ATP2A3: variants seen among roughly 807,000 people sequenced by gnomAD.
ATP2A3 encodes sarcoplasmic/endoplasmic reticulum calcium ATPase 3.
A neutral mutation model predicts 106.8 loss-of-function variants in ATP2A3; 61 were observed. The observed-to-expected ratio is 0.57, with a 90% confidence interval of 0.46 to 0.71. The LOEUF (loss-of-function observed/expected upper bound fraction) is 0.71. Ranked by LOEUF, ATP2A3 falls within the 30% of genes least tolerant of loss-of-function variation. The pLI is 0.00. For synonymous variants in ATP2A3, 611 were observed against 609.3 expected (o/e 1.00, Z -0.04); for missense variants, 1,201 against 1,423.5 (o/e 0.84, Z 2.52).
rs2144679458 is a variant in ATP2A3, at chr17:3,953,574, G to A, written c.136+119C>T. 4.7e-6 allele frequency: 7 copies of A among 1,498,382 alleles called. No homozygotes were observed. Among genetic ancestry groups the A allele is most frequent in the East Asian group, 4.9e-5 (2 of 40,882 alleles). The allele number at this position is 1,498,382 out of a possible 1,614,324, so 92.8% of individuals were successfully genotyped here. ...CCAGGTCGCTGAGAGGCTCAGGTGGGTGATCCTGGGGAGCTCAGCAAGGCC... is the reference window on the plus strand; with the variant it reads ...CCAGGTCGCTGAGAGGCTCAGGTGGATGATCCTGGGGAGCTCAGCAAGGCC... On this transcript the variant is annotated intron_variant, in intron 2 of 20. Coordinates refer to ENST00000397041, the MANE Select transcript of ATP2A3 (RefSeq NM_005173.4). The surrounding 1 kb of genome is among the most constrained non-coding windows in gnomAD (Gnocchi z 5.1).
In ATP2A3 at chr17:3,930,646, A is replaced by G. The variant is rs1050276321; in HGVS notation, c.2611-212T>C. 4.6e-6 allele frequency: 3 copies of G among 657,950 alleles called. No individual in the cohort carries two copies. Among genetic ancestry groups the G allele is most frequent in the Admixed American group, 2.4e-5 (1 of 42,080 alleles). 40.8% of individuals were successfully genotyped at this position (657,950 alleles called of 1,614,324 possible). On this transcript the variant is annotated intron_variant, in intron 17 of 20. Transcript: ENST00000397041. The surrounding 1 kb of genome is among the most constrained non-coding windows in gnomAD (Gnocchi z 5.4). Reference sequence around the variant, plus strand: ...CCGTGCCAGGGAGAAGCAAGGGCACAGCGTGGGAAAGGCAGACGTTCTGGA... The same window carrying G: ...CCGTGCCAGGGAGAAGCAAGGGCACGGCGTGGGAAAGGCAGACGTTCTGGA...
chr17:3,951,651 G>A lies in ATP2A3; in HGVS notation c.254C>T (p.Thr85Met), dbSNP rs748689348. Reference sequence around the variant, plus strand: ...GACCAGGGGCTCCACGAAGGCGGTCGTGGTCTCCTCGCCCTCCTCGAACCA... The same window carrying A: ...GACCAGGGGCTCCACGAAGGCGGTCATGGTCTCCTCGCCCTCCTCGAACCA... ...LAWFEEGEETTTAFVEPLVIM... is the reference protein window; with the variant it reads ...LAWFEEGEETMTAFVEPLVIM... Residue 85 changes from threonine (T) to methionine (M), a missense_variant, in exon 4 of 21, where the codon ACG becomes ATG. Coordinates refer to ENST00000397041, the MANE Select transcript of ATP2A3 (RefSeq NM_005173.4). 3.7e-6 allele frequency: 6 copies of A among 1,611,338 alleles called. No homozygotes were observed. The highest frequency in any genetic ancestry group is 1.7e-5 in the Admixed American group (1 of 59,786).
chr17:3,926,846 G>C lies in ATP2A3; in HGVS notation c.2981-1405C>G. ...GGCCTCCCAAAGTGCTGGGATGACA[G>C]GTGTGAGCCACTGCACCCGGCCCGT... On this transcript the variant is annotated intron_variant, in intron 20 of 20. Coordinates refer to ENST00000397041, the MANE Select transcript of ATP2A3 (RefSeq NM_005173.4). The surrounding 1 kb of genome is among the most constrained non-coding windows in gnomAD (Gnocchi z 4.6). 1.0e-6 allele frequency: 1 copy of C among 985,228 alleles called. No individual in the cohort carries two copies. 61.0% of individuals were successfully genotyped at this position (985,228 alleles called of 1,614,324 possible).
Position 3,926,317 on chromosome 17 carries a change from G to C in ATP2A3, c.2981-876C>G, listed in dbSNP as rs2052705199. On this transcript the variant is annotated intron_variant, in intron 20 of 20. Transcript: ENST00000397041. This position sits in a 1 kb window ranked among gnomAD's most constrained non-coding sequence, Gnocchi z 4.6. Reference sequence around the variant, plus strand: ...TTAGGAGGCCCCAGGGACTGCAGTAGCGCTGGGCAGGGCTGTCTGGGCTTC... The same window carrying C: ...TTAGGAGGCCCCAGGGACTGCAGTACCGCTGGGCAGGGCTGTCTGGGCTTC... Among the ~76,000 whole-genome samples the C allele has an allele frequency of 6.6e-6, 1 of 152,212 alleles. No homozygotes were observed. The highest frequency in any genetic ancestry group is 2.1e-4 in the South Asian group (1 of 4,830).
At chr17:3,932,278 G>T (rs1259958575) in intron 17 of ATP2A3, among the ~76,000 whole-genome samples, 1 of 151,790 alleles carries the variant, frequency 6.6e-6, no homozygotes, top group Non-Finnish European at 1.5e-5. Context: ...TGAGTAGCTG[G>T]GACTACAGGC....
In ATP2A3 at chr17:3,928,398, G is replaced by T; in HGVS notation, c.2980+265C>A. ...TGCCCTGGCCATGTAGGGGGTGGCAGGTGAAGACAGTGAGGCAGTGTGGCC... is the reference window on the plus strand; with the variant it reads ...TGCCCTGGCCATGTAGGGGGTGGCATGTGAAGACAGTGAGGCAGTGTGGCC... On this transcript the variant is annotated intron_variant, in intron 20 of 20. Transcript: ENST00000397041. This position sits in a 1 kb window ranked among gnomAD's most constrained non-coding sequence, Gnocchi z 6.1. 1 of 1,437,788 alleles carries T rather than the reference G, an allele frequency of 7.0e-7. No homozygotes were observed. Among genetic ancestry groups the T allele is most frequent in the Non-Finnish European group, 9.7e-7 (1 of 1,035,664 alleles). The allele number at this position is 1,437,788 out of a possible 1,614,324, so 89.1% of individuals were successfully genotyped here. A position where few individuals can be genotyped will look rare whatever the true frequency, so the allele number is the denominator to read the frequency against.
Position 3,925,960 on chromosome 17 carries a change from TCATGGTTC to T in ATP2A3, c.2981-527_2981-520del, listed in dbSNP as rs1211244470. ...CGAAATCCAGTCCCAACACCCCATT[TCATGGTTC>T]CTCACTGTCCTCAGAGTAAAGTCTA... On this transcript the variant is annotated intron_variant, in intron 20 of 20. Coordinates refer to ENST00000397041, the MANE Select transcript of ATP2A3 (RefSeq NM_005173.4). This position sits in a 1 kb window ranked among gnomAD's most constrained non-coding sequence, Gnocchi z 4.2. Among the ~76,000 whole-genome samples the T allele has an allele frequency of 1.3e-5, 2 of 151,448 alleles. No homozygotes were observed. The highest frequency in any genetic ancestry group is 2.9e-5 in the Non-Finnish European group (2 of 67,892).
Position 3,955,189 on chromosome 17 carries a change from G to A in ATP2A3, c.119-1479C>T, listed in dbSNP as rs2054702934. On this transcript the variant is annotated intron_variant, in intron 1 of 20. Transcript: ENST00000397041. This position sits in a 1 kb window ranked among gnomAD's most constrained non-coding sequence, Gnocchi z 4.2. ...TGCGGAATCTGAGGCCCCGGCCATG[G>A]CTGGCTCTCTTCCACCTCCTTCTTC... Among the ~76,000 whole-genome samples the A allele has an allele frequency of 6.6e-6, 1 of 152,226 alleles. No homozygotes were observed. The highest frequency in any genetic ancestry group is 2.4e-5 in the African/African-American group (1 of 41,444).
rs1414386996 is a variant in ATP2A3, at chr17:3,928,669, T to G, written c.2974A>C (p.Met992Leu). Residue 992 changes from methionine to leucine, a missense_variant, in exon 20 of 21, where the codon ATG becomes CTG. Met to Leu is a conservative substitution (Grantham distance 15). Around this residue, in one of 2 missense-constraint regions of ATP2A3, gnomAD observed 935 missense variants for 1,176.7 expected, o/e 0.79. Coordinates refer to ENST00000397041, the MANE Select transcript of ATP2A3 (RefSeq NM_005173.4). The surrounding 1 kb of genome is among the most constrained non-coding windows in gnomAD (Gnocchi z 6.1). ...GACGGGGCCTCCCACTCACCGTGCATGTGGTTCCGGGACAGGTACTTGAGG... is the reference window on the plus strand; with the variant it reads ...GACGGGGCCTCCCACTCACCGTGCAGGTGGTTCCGGGACAGGTACTTGAGG... ...EALKYLSRNH[M>L]HEEMSQK 1.3e-6 allele frequency: 2 copies of G among 1,550,486 alleles called. No homozygotes were observed. The highest frequency in any genetic ancestry group is 4.9e-5 in the East Asian group (2 of 40,934).
At position 3,950,538 on chromosome 17, in the gene ATP2A3, G is replaced by A. The variant is rs759841162; in HGVS notation, c.603C>T (p.Asn201=). 6.2e-7 allele frequency: 1 copy of A among 1,614,134 alleles called. No homozygotes were observed. The highest frequency in any genetic ancestry group is 1.1e-5 in the South Asian group (1 of 91,080). The change falls in exon 7 of 21, where the codon AAC becomes AAT. Residue 201 remains asparagine, a synonymous_variant. Transcript: ENST00000397041. ...TEAIPDPRAV[N]QDKKNMLFSG... Reference sequence around the variant, plus strand: ...AAAACAGCATGTTCTTCTTGTCCTGGTTCACAGCTCTGGGGTCTGGGATGG... The same window carrying A: ...AAAACAGCATGTTCTTCTTGTCCTGATTCACAGCTCTGGGGTCTGGGATGG...
chr17:3,958,819 C>CACACACACACATATATAT (rs2054956515), intron 1 of ATP2A3, among the ~76,000 whole-genome samples: 1 of 117,628 alleles, frequency 8.5e-6, no homozygotes, highest in African/African-American at 3.9e-5. Context: ...TATATATATA[C>CACACACACACATATATAT]ACACATATAT....
chr17:3,947,079 T>C lies in ATP2A3; in HGVS notation c.1095+312A>G, dbSNP rs182739052. ...GCCAAGGCTGAACTTGAGCCTCTCC[T>C]ATGTCCTTTACGTTTACCTAGCAGG... On this transcript the variant is annotated intron_variant, in intron 8 of 20. Coordinates refer to ENST00000397041, the MANE Select transcript of ATP2A3 (RefSeq NM_005173.4). This position sits in a 1 kb window ranked among gnomAD's most constrained non-coding sequence, Gnocchi z 7.7. 1.8e-3 allele frequency among the ~76,000 whole-genome samples: 272 copies of C among 152,340 alleles called. No individual in the cohort carries two copies. Among genetic ancestry groups the C allele is most frequent in the Middle Eastern group, 6.8e-3 (2 of 294 alleles).
intron 10 of ATP2A3, among the ~76,000 whole-genome samples, chr17:3,943,819 C>A (rs1176714038): frequency 6.6e-6 from 1 of 152,162 alleles, no homozygotes; most frequent in Non-Finnish European, 1.5e-5. Context: ...GGCCCGCTTC[C>A]ACCCTCCCAC....
intron 1 of ATP2A3, among the ~76,000 whole-genome samples, chr17:3,963,111 A>G (rs528774121): frequency 4.9e-4 from 75 of 152,372 alleles, no homozygotes; most frequent in African/African-American, 1.8e-3. Flanking sequence ...ACAAAACCCA[A>G]AAGTCCTTTT....
In ATP2A3 at chr17:3,950,535, C is replaced by T; in HGVS notation, c.606G>A (p.Gln202=). 1 of 1,614,160 alleles carries T rather than the reference C, an allele frequency of 6.2e-7. No homozygotes were observed. The highest frequency in any genetic ancestry group is 8.5e-7 in the Non-Finnish European group (1 of 1,180,028). The change falls in exon 7 of 21, where the codon CAG becomes CAA. Residue 202 remains glutamine, a synonymous_variant. Transcript: ENST00000397041. ...CAGAAAACAGCATGTTCTTCTTGTCCTGGTTCACAGCTCTGGGGTCTGGGA... is the reference window on the plus strand; with the variant it reads ...CAGAAAACAGCATGTTCTTCTTGTCTTGGTTCACAGCTCTGGGGTCTGGGA... ...EAIPDPRAVN[Q]DKKNMLFSGT...
Position 3,954,857 on chromosome 17 carries a change from G to C in ATP2A3, c.119-1147C>G, listed in dbSNP as rs113661552. Among the ~76,000 whole-genome samples, 1,086 of 152,218 alleles carry C rather than the reference G, an allele frequency of 7.1e-3. 11 individuals are homozygous for C. The highest frequency in any genetic ancestry group is 0.025 in the African/African-American group (1,032 of 41,540). On this transcript the variant is annotated intron_variant, in intron 1 of 20. Transcript: ENST00000397041. Reference sequence around the variant, plus strand: ...CTTTTGTATCAGGCAGAGGTGCCTCGGGCCCCTGAAGTGGTTGAATCATTC... The same window carrying C: ...CTTTTGTATCAGGCAGAGGTGCCTCCGGCCCCTGAAGTGGTTGAATCATTC...
rs376335768 is a variant in ATP2A3, at chr17:3,949,425, G to A, written c.630+1086C>T. On this transcript the variant is annotated intron_variant, in intron 7 of 20. Transcript: ENST00000397041. ...AGGTAGACCGGGCATCATGCCTTGTGGGTCAGTTTTCCTGTCGGAGAATGG... is the reference window on the plus strand; with the variant it reads ...AGGTAGACCGGGCATCATGCCTTGTAGGTCAGTTTTCCTGTCGGAGAATGG... 4.6e-5 allele frequency among the ~76,000 whole-genome samples: 7 copies of A among 152,282 alleles called. No homozygotes were observed. The South Asian group carries it at 1.5e-3, about 32-fold the overall frequency.
chr17:3,928,457 C>A lies in ATP2A3; in HGVS notation c.2980+206G>T, dbSNP rs540703792. 8.6e-6 allele frequency: 9 copies of A among 1,047,710 alleles called. No individual in the cohort carries two copies. The East Asian group carries it at 2.3e-4, about 27-fold the overall frequency. 64.9% of individuals were successfully genotyped at this position (1,047,710 alleles called of 1,614,324 possible). ...GCTCCCGTTGCTGGCCCAGTGAGCC[C>A]AGGTCCCCTGCAGTGCAAGACCCTG... On this transcript the variant is annotated intron_variant, in intron 20 of 20. Transcript: ENST00000397041. The surrounding 1 kb of genome is among the most constrained non-coding windows in gnomAD (Gnocchi z 6.1).
intron 1 of ATP2A3, among the ~76,000 whole-genome samples, chr17:3,958,803 C>CACACACACACACATATAT (rs1360510865): frequency 1.7e-5 from 2 of 116,096 alleles, no homozygotes; most frequent in African/African-American, 7.7e-5. Context: ...CATATATATA[C>CACACACACACACATATAT]ACACATATAT....
Sources: allele counts gnomAD v4.1 joint callset (sites outside exome capture counted in the v4.1 genomes callset), GRCh38; gene constraint gnomAD v4.1.1; regional missense constraint gnomAD v4.1.1; non-coding constraint Gnocchi (gnomAD v3.1); transcripts MANE v1.5; gene names NCBI Gene and HGNC (gene_info 2026-07-23, HGNC 2026-07-21).